The following CLK4 variants were observed in gnomAD, a reference collection of about 807,000 sequenced individuals.
The protein encoded by CLK4 is CDC like kinase 4, also known as dual specificity protein kinase CLK4.
A neutral mutation model predicts 64.4 loss-of-function variants in CLK4; 37 were observed. The observed-to-expected ratio is 0.57, with a 90% CI of 0.44 to 0.76. The LOEUF (loss-of-function observed/expected upper bound fraction) is 0.76. Among genes scored for constraint, CLK4 ranks in the 30% least tolerant of loss-of-function variants. CLK4 has a pLI of 0.00. For missense variants in CLK4, 457 were observed against 605.1 expected (o/e 0.76, Z 2.57); for synonymous variants, 175 against 191.6 (o/e 0.91, Z 0.72).
intron 3 of CLK4, 48 bp downstream of exon 3, chr5:178,618,508 T>G: frequency 7.9e-7 from 1 of 1,263,308 alleles, no homozygotes; most frequent in East Asian, 2.3e-5. Flanking sequence ...TCGTTAAGAG[T>G]ACACACAAAT....
intron 5 of CLK4, among the ~76,000 whole-genome samples, chr5:178,615,187 T>TA (rs910846117): frequency 1.1e-4 from 17 of 151,756 alleles, no homozygotes; most frequent in African/African-American, 2.4e-4. Flanking sequence ...TCCATCTCAT[T>TA]AAAAAAAAAT....
chr5:178,616,974 G>T (rs747227940), intron 4 of CLK4, 26 bp from the exon 5 acceptor site: 4 of 1,509,586 alleles, frequency 2.6e-6, no homozygotes, highest in African/African-American at 2.8e-5. Context: ...AAAAAGAGGT[G>T]TAAGTACCTG....
intron 9 of CLK4, among the ~76,000 whole-genome samples, chr5:178,610,284 C>T (rs1185181738): frequency 6.6e-5 from 10 of 150,400 alleles, no homozygotes; most frequent in East Asian, 3.9e-4. Flanking sequence ...TGCAAGACTG[C>T]GTCTCAAAAA....
chr5:178,623,154 C>T (rs1764731658), intron 2 of CLK4, 102 bp downstream of exon 2: 1 of 1,144,148 alleles, frequency 8.7e-7, no homozygotes, highest in Non-Finnish European at 1.3e-6. Flanking sequence ...TATTTGTTGA[C>T]TGAATTATAA....
chr5:178,613,816 G>A lies in CLK4; in HGVS notation c.570C>T (p.Ile190=), dbSNP rs149454681. 1.5e-4 allele frequency: 250 copies of A among 1,613,772 alleles called. No homozygotes were observed. The highest frequency in any genetic ancestry group is 1.3e-3 in the African/African-American group (98 of 74,980). ...GMDGMHVAVK[I]VKNVGRYREA... is the part of the protein sequence containing the mutation. ...CACGGTAACGGCCTACATTTTTTAC[G>A]ATTTTCACTGCTACATGCATGCCAT... The change falls in exon 6 of 13, where the codon ATC becomes ATT. Residue 190 remains isoleucine, a synonymous_variant. Transcript: ENST00000316308.
chr5:178,610,797 C>T (rs562152297), intron 9 of CLK4, among the ~76,000 whole-genome samples: 17 of 151,260 alleles, frequency 1.1e-4, no homozygotes, highest in Non-Finnish European at 1.6e-4. Context: ...CTTGGCCGGG[C>T]GCGGTGGCTC....
intron 2 of CLK4, among the ~76,000 whole-genome samples, chr5:178,620,999 T>C (rs565705883): frequency 3.3e-5 from 5 of 152,276 alleles, no homozygotes; most frequent in African/African-American, 9.6e-5. Flanking sequence ...CACAATGGCT[T>C]AGAGATGGAA....
intron 9 of CLK4, among the ~76,000 whole-genome samples, chr5:178,610,577 T>G (rs1279539681): frequency 1.3e-5 from 2 of 152,178 alleles, no homozygotes; most frequent in South Asian, 2.1e-4. Flanking sequence ...AATTTCAGAT[T>G]TGTACTATCC....
intron 9 of CLK4, among the ~76,000 whole-genome samples, chr5:178,609,195 T>C (rs1037689058): frequency 6.6e-6 from 1 of 152,200 alleles, no homozygotes; most frequent in Non-Finnish European, 1.5e-5. Flanking sequence ...CACATAGATA[T>C]TTTAATATTT....
intron 1 of CLK4, among the ~76,000 whole-genome samples, chr5:178,623,795 G>A (rs1346718362): frequency 6.6e-6 from 1 of 152,098 alleles, no homozygotes; most frequent in African/African-American, 2.4e-5. Flanking sequence ...GCAGACAAGA[G>A]TATTTAGCTA....
chr5:178,625,072 G>A (rs1192570504), intron 1 of CLK4, among the ~76,000 whole-genome samples: 1 of 147,966 alleles, frequency 6.8e-6, no homozygotes, highest in Non-Finnish European at 1.5e-5. Context: ...TGAGCATTCC[G>A]GTTTGATACA....
intron 1 of CLK4, among the ~76,000 whole-genome samples, chr5:178,624,520 C>G (rs1178212479): frequency 6.6e-6 from 1 of 152,170 alleles, no homozygotes; most frequent in Non-Finnish European, 1.5e-5. Context: ...TTTACAAACT[C>G]CAGTGCATAA....
intron 2 of CLK4, chr5:178,622,135 A>G (rs1208529486): frequency 1.3e-5 from 2 of 152,184 alleles, no homozygotes; most frequent in African/African-American, 2.4e-5. Flanking sequence ...ACAACGTATA[A>G]TTATCCTATG....
chr5:178,604,023 C>T (rs1764424301), intron 11 of CLK4, 89 bp from the exon 12 acceptor site: 1 of 947,218 alleles, frequency 1.1e-6, no homozygotes, highest in Non-Finnish European at 1.6e-6. Context: ...TGGAAAGCAG[C>T]TCTCTCTAAG....
At chr5:178,609,418 C>A (rs929301256) in intron 9 of CLK4, among the ~76,000 whole-genome samples, 1 of 152,196 alleles carries the variant, frequency 6.6e-6, no homozygotes, top group African/African-American at 2.4e-5. Context: ...CGCGGTGGCT[C>A]ATGCCTGTAA....
At chr5:178,616,113 C>T (rs1017718670) in intron 5 of CLK4, among the ~76,000 whole-genome samples, 26 of 151,408 alleles carry the variant, frequency 1.7e-4, no homozygotes, top group Admixed American at 2.6e-4. Flanking sequence ...TTTTTTGAGA[C>T]GGATTTTCAC....
intron 1 of CLK4, among the ~76,000 whole-genome samples, chr5:178,626,330 G>A (rs1486873596): frequency 6.6e-6 from 1 of 152,190 alleles, no homozygotes; most frequent in Admixed American, 6.5e-5. Context: ...AGAAACGCAG[G>A]TTCGCTGCAA....
At chr5:178,619,733 G>T in intron 2 of CLK4, 1 of 1,244,384 alleles carries the variant, frequency 8.0e-7, no homozygotes, top group Non-Finnish European at 1.0e-6. Context: ...AATTTCAAAG[G>T]TCATGGGCCT....
chr5:178,624,252 C>T (rs1764749643), intron 1 of CLK4, among the ~76,000 whole-genome samples: 1 of 152,156 alleles, frequency 6.6e-6, no homozygotes, highest in Non-Finnish European at 1.5e-5. Context: ...GGAGGCCAAG[C>T]CCAGGAGTCT....
Sources: allele counts gnomAD v4.1 joint callset (sites outside exome capture counted in the v4.1 genomes callset), GRCh38; gene constraint gnomAD v4.1.1; transcripts MANE v1.5; gene names NCBI Gene and HGNC (gene_info 2026-07-23, HGNC 2026-07-21).